The following LMNTD1 variants were observed in gnomAD, a reference collection of about 807,000 sequenced individuals.
LMNTD1 encodes lamin tail domain-containing protein 1.
In LMNTD1, 35 loss-of-function variants were observed where a neutral mutation model predicts 50.9. The observed-to-expected ratio is 0.69, with a 90% confidence interval of 0.53 to 0.91. The LOEUF (loss-of-function observed/expected upper bound fraction) is 0.91. Among genes scored for constraint, LMNTD1 ranks in the 40% least tolerant of loss-of-function variants. The pLI is 0.00. For synonymous variants in LMNTD1, 153 were observed against 161.9 expected (o/e 0.94, Z 0.42); for missense variants, 470 against 475.5 (o/e 0.99, Z 0.11).
At chr12:25,526,011 A>G in intron 6 of LMNTD1, 88 bp downstream of exon 6, 3 of 1,100,096 alleles carry the variant, frequency 2.7e-6, no homozygotes, top group Middle Eastern at 2.5e-4. Context: ...GACACATTGT[A>G]TAAAATAAAA....
chr12:25,579,226 A>G (rs1565497619), intron 1 of LMNTD1, among the ~76,000 whole-genome samples: 2 of 152,218 alleles, frequency 1.3e-5, no homozygotes, highest in Admixed American at 6.5e-5. Flanking sequence ...TCAAAAATAT[A>G]TATTTTTTAA....
At chr12:25,614,622 A>G (rs531486496) in intron 1 of LMNTD1, among the ~76,000 whole-genome samples, 6 of 152,188 alleles carry the variant, frequency 3.9e-5, no homozygotes, top group Non-Finnish European at 7.3e-5. Context: ...TTCTGTTAAC[A>G]GAGGTTAACT....
intron 1 of LMNTD1, among the ~76,000 whole-genome samples, chr12:25,597,528 GAT>G (rs2136497678): frequency 6.6e-6 from 1 of 152,166 alleles, no homozygotes; most frequent in African/African-American, 2.4e-5. Flanking sequence ...TAAAGAGAGA[GAT>G]AGACTCCAAT....
chr12:25,561,732 G>A (rs1032236757), intron 1 of LMNTD1, among the ~76,000 whole-genome samples: 1 of 152,072 alleles, frequency 6.6e-6, no homozygotes, highest in Non-Finnish European at 1.5e-5. Flanking sequence ...TCTAATGTTG[G>A]CAGTGGGGTG....
Position 25,518,866 on chromosome 12 carries a change from T to C in LMNTD1, c.1118A>G (p.Asn373Ser), listed in dbSNP as rs148632702. 3.3e-4 allele frequency: 540 copies of C among 1,613,924 alleles called. 3 individuals carry two copies. The Middle Eastern group carries it at 5.1e-3, about 15-fold the overall frequency. ...CAATCTGCCTCCAGCGGTGGATGTATTGTGTGGTTCAATCAGAGGACAGTA... is the reference window on the plus strand; with the variant it reads ...CAATCTGCCTCCAGCGGTGGATGTACTGTGTGGTTCAATCAGAGGACAGTA... ...HPYCPLIEPH[N>S]TSTAGGRLDR... The change falls in exon 8 of 10, where the codon AAT becomes AGT. Residue 373 changes from asparagine to serine, a missense_variant. Asn to Ser is a conservative substitution (Grantham distance 46). Coordinates refer to ENST00000458174, the MANE Select transcript of LMNTD1 (RefSeq NM_001145728.2).
intron 1 of LMNTD1, among the ~76,000 whole-genome samples, chr12:25,624,101 C>T (rs946441779): frequency 6.6e-6 from 1 of 152,188 alleles, no homozygotes; most frequent in Non-Finnish European, 1.5e-5. Flanking sequence ...GATTGGACCT[C>T]CAGCAATGCT....
chr12:25,534,604 G>A (rs576711026), intron 4 of LMNTD1, among the ~76,000 whole-genome samples: 2 of 152,150 alleles, frequency 1.3e-5, no homozygotes, highest in Non-Finnish European at 2.9e-5. Context: ...TCCCCTTTGA[G>A]TATTTAGCAG....
intron 1 of LMNTD1, among the ~76,000 whole-genome samples, chr12:25,584,467 G>C (rs1401955268): frequency 1.3e-5 from 2 of 152,104 alleles, no homozygotes; most frequent in Non-Finnish European, 2.9e-5. Context: ...TTTGACTTTC[G>C]AGAATTGACT....
intron 4 of LMNTD1, among the ~76,000 whole-genome samples, chr12:25,541,890 C>A (rs550876284): frequency 2.7e-5 from 4 of 150,694 alleles, no homozygotes; most frequent in Non-Finnish European, 5.9e-5. Flanking sequence ...AAACAAACAA[C>A]CCCATCAAAA....
At chr12:25,548,346 C>A (rs1319968556) in intron 3 of LMNTD1, among the ~76,000 whole-genome samples, 1 of 151,846 alleles carries the variant, frequency 6.6e-6, no homozygotes, top group African/African-American at 2.4e-5. Flanking sequence ...ATAATGGAGG[C>A]ATCAGATAGT....
At chr12:25,528,299 A>G (rs1450245525) in intron 4 of LMNTD1, among the ~76,000 whole-genome samples, 3 of 152,202 alleles carry the variant, frequency 2.0e-5, no homozygotes, top group African/African-American at 7.2e-5. Context: ...TGAGGTTTAG[A>G]GAGATTAATT....
At chr12:25,516,752 C>A (rs1940807459) in intron 8 of LMNTD1, among the ~76,000 whole-genome samples, 1 of 151,718 alleles carries the variant, frequency 6.6e-6, no homozygotes, top group Non-Finnish European at 1.5e-5. Context: ...AAAGAAACTA[C>A]CATCAGAGTG....
intron 8 of LMNTD1, among the ~76,000 whole-genome samples, chr12:25,510,752 G>A (rs1940208077): frequency 6.6e-6 from 1 of 151,820 alleles, no homozygotes; most frequent in East Asian, 1.9e-4. Context: ...CTAACTCTAT[G>A]AGATGTCATT....
At chr12:25,592,025 A>T (rs1945715587) in intron 1 of LMNTD1, among the ~76,000 whole-genome samples, 1 of 152,178 alleles carries the variant, frequency 6.6e-6, no homozygotes, top group African/African-American at 2.4e-5. Flanking sequence ...TACAACTTAA[A>T]TTATAACGCC....
intron 1 of LMNTD1, among the ~76,000 whole-genome samples, chr12:25,620,292 A>G (rs1397883828): frequency 6.6e-6 from 1 of 152,204 alleles, no homozygotes; most frequent in African/African-American, 2.4e-5. Context: ...GGAACTCCAC[A>G]GTTTTCTAAT....
In LMNTD1 at chr12:25,526,900, G is replaced by A. The variant is rs1033721227; in HGVS notation, c.547C>T (p.Leu183Phe). ...EVNVKGLFVK[L>F]INSSLDKEMA... is the part of the protein sequence containing the mutation. ...TCTTTGTCAAGGGAAGAGTTAATGA[G>A]CTTCACGAACAAACCCTTGACATTC... Residue 183 changes from leucine to phenylalanine, a missense_variant, in exon 5 of 10, where the codon CTC (leucine) becomes TTC (phenylalanine). Physicochemically the swap from Leu to Phe is conservative, Grantham distance 22 (BLOSUM62 0). Coordinates refer to ENST00000458174, the MANE Select transcript of LMNTD1 (RefSeq NM_001145728.2). The A allele has an allele frequency of 7.4e-6, 12 of 1,612,348 alleles. No homozygotes were observed. The highest frequency in any genetic ancestry group is 1.0e-5 in the Non-Finnish European group (12 of 1,179,170).
rs368228766 is a variant in LMNTD1, at chr12:25,508,590, T to C, written c.1190-4790A>G. On this transcript the variant is annotated intron_variant, in intron 8 of 9. Transcript: ENST00000458174. ...CAAATACAGTCACTCAGACCATTATTGTATGTATATTTTGGTGCACATATG... is the reference window on the plus strand; with the variant it reads ...CAAATACAGTCACTCAGACCATTATCGTATGTATATTTTGGTGCACATATG... Among the ~76,000 whole-genome samples the C allele has an allele frequency of 1.3e-4, 20 of 152,318 alleles. No individual in the cohort carries two copies. In the East Asian group the frequency reaches 2.5e-3, roughly 19 times the overall value.
intron 4 of LMNTD1, among the ~76,000 whole-genome samples, chr12:25,545,201 C>T (rs1344185833): frequency 6.6e-6 from 1 of 151,522 alleles, no homozygotes; most frequent in Admixed American, 6.6e-5. Flanking sequence ...ATTTTATCTC[C>T]TCATATTTGA....
chr12:25,564,063 T>C (rs1051987163), intron 1 of LMNTD1, among the ~76,000 whole-genome samples: 1 of 152,158 alleles, frequency 6.6e-6, no homozygotes, highest in Non-Finnish European at 1.5e-5. Flanking sequence ...GGCTTCCCTT[T>C]GCTAGGAAAG....
Sources: gnomAD v4.1 joint callset for allele counts (sites outside exome capture counted in the v4.1 genomes callset) on GRCh38, gnomAD v4.1.1 for gene constraint, MANE v1.5 for transcripts, NCBI Gene and HGNC (gene_info 2026-07-23, HGNC 2026-07-21) for gene names.